Variants in PMM2 observed in about 807,000 individuals in gnomAD.
PMM2 encodes the protein phosphomannomutase 2.
Under a neutral mutation model 33.2 loss-of-function variants are expected in PMM2, and 35 were observed. The observed-to-expected ratio is 1.06, with a 90% CI of 0.81 to 1.40. The LOEUF is 1.40. Among genes scored for constraint, PMM2 ranks in the 40% most tolerant of loss-of-function variants. The pLI, the probability that PMM2 is intolerant of heterozygous loss-of-function variation, is 0.00. For missense variants in PMM2, 386 were observed against 306.0 expected, an observed-to-expected ratio of 1.26 and a Z score of -1.95; for synonymous variants, 153 against 114.7, an observed-to-expected ratio of 1.33 and a Z score of -2.13.
At chr16:8,827,963 T>TTATATA (rs375365502) in intron 7 of PMM2, among the ~76,000 whole-genome samples, 1 of 116,752 alleles carries the variant, frequency 8.6e-6, no homozygotes, top group African/African-American at 3.3e-5. Context: ...ATTTATAAAT[T>TTATATA]TATATATATA....
At chr16:8,813,598 A>G (rs1400397176) in intron 7 of PMM2, among the ~76,000 whole-genome samples, 2 of 152,186 alleles carry the variant, frequency 1.3e-5, no homozygotes, top group Non-Finnish European at 2.9e-5. Flanking sequence ...CCCAGGCATC[A>G]CACACGGCGG....
intron 7 of PMM2, among the ~76,000 whole-genome samples, chr16:8,823,101 A>C (rs989722376): frequency 6.6e-6 from 1 of 152,218 alleles, no homozygotes; most frequent in Admixed American, 6.5e-5. Flanking sequence ...TCCTAGTCCT[A>C]AGACTAGATC....
At chr16:8,832,174 GA>G in intron 7 of PMM2, 2 of 985,436 alleles carry the variant, frequency 2.0e-6, no homozygotes, top group Non-Finnish European at 2.4e-6. Context: ...CCCCAGGAAG[GA>G]GCCCACCATG....
chr16:8,814,244 G>A (rs2060693986), intron 7 of PMM2, among the ~76,000 whole-genome samples: 1 of 151,894 alleles, frequency 6.6e-6, no homozygotes, highest in South Asian at 2.1e-4. Flanking sequence ...CACCCACCTC[G>A]GCCTCTCAGT....
chr16:8,842,539 C>A (rs983115247), intron 7 of PMM2, among the ~76,000 whole-genome samples: 2 of 152,090 alleles, frequency 1.3e-5, no homozygotes, highest in Admixed American at 6.5e-5. Flanking sequence ...GAGGCTGGGA[C>A]AAGGGGTGCA....
At chr16:8,802,880 T>C (rs950868848) in intron 2 of PMM2, among the ~76,000 whole-genome samples, 10 of 152,112 alleles carry the variant, frequency 6.6e-5, no homozygotes, top group Admixed American at 5.2e-4. Flanking sequence ...TGATTGTTCT[T>C]TTAACCCCTG....
chr16:8,805,912 A>G (rs1032650693), intron 3 of PMM2, among the ~76,000 whole-genome samples: 19 of 152,214 alleles, frequency 1.2e-4, no homozygotes, highest in African/African-American at 4.6e-4. Context: ...TTTAAGAGGT[A>G]CTGTGTAGCT....
At chr16:8,823,290 C>T (rs973057129) in intron 7 of PMM2, among the ~76,000 whole-genome samples, 6 of 151,814 alleles carry the variant, frequency 4.0e-5, no homozygotes, top group African/African-American at 1.5e-4. Flanking sequence ...TAATTGAGTC[C>T]AAGTCAGAAA....
intron 7 of PMM2, among the ~76,000 whole-genome samples, chr16:8,819,807 T>C (rs1285810132): frequency 1.3e-5 from 2 of 152,130 alleles, no homozygotes; most frequent in Non-Finnish European, 2.9e-5. Context: ...GACACTTATG[T>C]TGTACATGCT....
chr16:8,816,571 G>A (rs908598119), intron 7 of PMM2, among the ~76,000 whole-genome samples: 8 of 141,012 alleles, frequency 5.7e-5, no homozygotes, highest in African/African-American at 1.0e-4. Context: ...GAGAAACCCC[G>A]TCTCTACTAA....
chr16:8,811,723 A>G lies in PMM2; in HGVS notation c.523+10A>G, dbSNP rs2141023411. On this transcript the variant is annotated intron_variant, in intron 6 of 7. Coordinates refer to ENST00000268261, the MANE Select transcript of PMM2 (RefSeq NM_000303.3). ...CTCACGTTTTCCATAGGTATTGTAT[A>G]TATTGCCTGTGTTCCAAACTTGGAT... is the stretch of plus-strand genomic sequence containing the variant. 4 of 1,585,642 alleles carry G rather than the reference A, an allele frequency of 2.5e-6. No individual in the cohort carries two copies. Among genetic ancestry groups the G allele is most frequent in the Non-Finnish European group, 2.6e-6 (3 of 1,154,036 alleles).
Position 8,837,826 on chromosome 16 carries a change from G to A in PMM2, c.640-9898G>A, listed in dbSNP as rs186952807. 4.6e-5 allele frequency among the ~76,000 whole-genome samples: 7 copies of A among 152,160 alleles called. No homozygotes were observed. The East Asian group carries it at 5.8e-4, about 13-fold the overall frequency. ...TTGAAACGTGGGTAAATAATCAGGC[G>A]TCCCTGCAGTGATTAAACACCAAGG... is the stretch of plus-strand genomic sequence containing the variant. On this transcript the variant is annotated intron_variant, in intron 7 of 7. Coordinates refer to ENST00000268261, the MANE Select transcript of PMM2 (RefSeq NM_000303.3).
intron 7 of PMM2, among the ~76,000 whole-genome samples, chr16:8,821,628 C>T (rs899996678): frequency 7.9e-5 from 12 of 152,162 alleles, no homozygotes; most frequent in African/African-American, 2.9e-4. Flanking sequence ...CCTTGAAGGC[C>T]GGAGAGGTGA....
At chr16:8,814,542 T>G (rs1278740228) in intron 7 of PMM2, among the ~76,000 whole-genome samples, 3 of 152,232 alleles carry the variant, frequency 2.0e-5, no homozygotes, top group African/African-American at 7.2e-5. Flanking sequence ...GTCACAGTCT[T>G]CCAGCATGAG....
intron 7 of PMM2, among the ~76,000 whole-genome samples, chr16:8,825,585 G>T (rs970776811): frequency 6.6e-6 from 1 of 152,028 alleles, no homozygotes; most frequent in African/African-American, 2.4e-5. Context: ...CTCCCAAAGC[G>T]CTGGGATTAC....
rs375881270 is a variant in PMM2, at chr16:8,847,783, G to C, written c.699G>C (p.Ala233=). Residue 233 remains alanine (A), a synonymous_variant, in exon 8 of 8, where the codon GCG becomes GCC. Coordinates refer to ENST00000268261, the MANE Select transcript of PMM2 (RefSeq NM_000303.3). ...GAACCATGGGCTACTCCGTGACAGC[G>C]CCTGAGGACACGCGCAGGATCTGTG... The part of the protein sequence containing the change: ...DPRTMGYSVT[A]PEDTRRICEL... 6.2e-7 allele frequency: 1 copy of C among 1,613,862 alleles called. No individual in the cohort carries two copies. Among genetic ancestry groups the C allele is most frequent in the African/African-American group, 1.3e-5 (1 of 74,916 alleles).
intron 2 of PMM2, among the ~76,000 whole-genome samples, chr16:8,804,373 C>T (rs1417312411): frequency 6.6e-6 from 1 of 152,066 alleles, no homozygotes; most frequent in East Asian, 1.9e-4. Flanking sequence ...TATATTTAGC[C>T]TGTCCCTCAG....
At chr16:8,821,281 C>G (rs1252174187) in intron 7 of PMM2, among the ~76,000 whole-genome samples, 2 of 152,100 alleles carry the variant, frequency 1.3e-5, no homozygotes. Context: ...TGGAGATGTC[C>G]CACCCGCTCC....
chr16:8,797,846 C>A lies in PMM2; in HGVS notation c.-37C>A. 1 of 1,604,880 alleles carries A rather than the reference C, an allele frequency of 6.2e-7. No homozygotes were observed. The highest frequency in any genetic ancestry group is 1.1e-5 in the South Asian group (1 of 89,348). ...AAGTTCCGGGCCGAGTTCCTCGTGC[C>A]AACGTGTCTTGTAAGGTGCGGCTAG... On this transcript the variant is annotated 5_prime_UTR_variant, in exon 1 of 8. Transcript: ENST00000268261.
Sources: gnomAD v4.1 joint callset for allele counts (sites outside exome capture counted in the v4.1 genomes callset) on GRCh38, gnomAD v4.1.1 for gene constraint, MANE v1.5 for transcripts, NCBI Gene and HGNC (gene_info 2026-07-23, HGNC 2026-07-21) for gene names.